WDR54: variants seen among roughly 807,000 people sequenced by gnomAD.
WDR54 encodes the protein WD repeat-containing protein 54.
In WDR54, 44 loss-of-function variants were observed where a neutral mutation model predicts 44.1. That is an observed-to-expected ratio of 1.00 (90% CI 0.78 to 1.28). WDR54 has a LOEUF of 1.28. Among genes scored for constraint, WDR54 ranks in the 50% most tolerant of loss-of-function variants. The pLI is 0.00. For synonymous variants in WDR54, 169 were observed against 169.8 expected (o/e 1.00, Z 0.04); for missense variants, 409 against 429.7 (o/e 0.95, Z 0.43).
chr2:74,423,721 A>G, intron 5 of WDR54, 134 bp from the exon 6 acceptor site: 16 of 1,460,914 alleles, frequency 1.1e-5, no homozygotes, highest in Non-Finnish European at 1.5e-5. Flanking sequence ...TAGTGAATGA[A>G]GGGGCATGGC....
At chr2:74,424,023 C>A (rs1670244881) in intron 6 of WDR54, 41 bp downstream of exon 6, 2 of 1,611,478 alleles carry the variant, frequency 1.2e-6, no homozygotes, top group Admixed American at 1.7e-5. Context: ...CCTTCCCCAC[C>A]CTGGGAGGCA....
chr2:74,423,591 G>A (rs1670221511), intron 5 of WDR54, 60 bp downstream of exon 5: 6 of 1,592,532 alleles, frequency 3.8e-6, no homozygotes, highest in Non-Finnish European at 5.2e-6. Flanking sequence ...GTGGCCAGGA[G>A]AATAATGAGG....
chr2:74,425,518 G>T lies in WDR54; in HGVS notation c.873+27G>T, dbSNP rs548125349. 10 of 1,614,172 alleles carry T rather than the reference G, an allele frequency of 6.2e-6. No homozygotes were observed. In the South Asian group the frequency reaches 7.7e-5, roughly 12 times the overall value. On this transcript the variant is annotated intron_variant, in intron 9 of 9. Transcript: ENST00000348227. ...TATGTGTCATGGGGTGGGTGGAATG[G>T]GGGGGCCCAAGCATGGGGCAGCAGG... is the stretch of plus-strand genomic sequence containing the variant.
intron 5 of WDR54, 123 bp from the exon 6 acceptor site, chr2:74,423,732 C>T (rs999712526): frequency 1.4e-5 from 21 of 1,487,470 alleles, no homozygotes; most frequent in African/African-American, 8.3e-5. Context: ...GGGGCATGGC[C>T]GTTGGAGCAG....
rs147105807 is a variant in WDR54 at position 74,423,859 on chromosome 2, G to A, written c.411G>A (p.Thr137=). Residue 137 remains threonine (T), a synonymous_variant, in exon 6 of 10, where the codon ACG becomes ACA. Coordinates refer to ENST00000348227, the MANE Select transcript of WDR54 (RefSeq NM_032118.4). Reference sequence around the variant, plus strand: ...GAGTACTGGTTCTGGATACAGGAACGTGGTCAGGCCGGGTGCTGGTGTTTG... The same window carrying A: ...GAGTACTGGTTCTGGATACAGGAACATGGTCAGGCCGGGTGCTGGTGTTTG... ...AASGHFICVG[T]WSGRVLVFDI... is the part of the protein sequence containing the mutation. 46 of 1,614,080 alleles carry A rather than the reference G, an allele frequency of 2.8e-5. No individual in the cohort carries two copies. In the African/African-American group the frequency reaches 3.1e-4, roughly 11 times the overall value.
rs747747324 is a variant in WDR54, at chr2:74,423,495, C to T, written c.370C>T (p.Arg124Trp). The change falls in exon 5 of 10, where the codon CGG (arginine) becomes TGG (tryptophan). Residue 124 changes from arginine (R) to tryptophan (W), a missense_variant. By Grantham distance (101) the Arg-to-Trp change is moderately radical (BLOSUM62 -3). Transcript: ENST00000348227. ...DASPVQAVFA[R>W]GIAASGHFIC... ...ATATTCAGTACAGGCTGTGTTTGCCCGGGGAATTGCTGCCAGTGGCCACTT... is the reference window on the plus strand; with the variant it reads ...ATATTCAGTACAGGCTGTGTTTGCCTGGGGAATTGCTGCCAGTGGCCACTT... 1.8e-5 allele frequency: 29 copies of T among 1,613,754 alleles called. No individual in the cohort carries two copies. The highest frequency in any genetic ancestry group is 6.7e-5 in the African/African-American group (5 of 74,876).
Position 74,423,495 on chromosome 2 carries a change from C to G in WDR54, c.370C>G (p.Arg124Gly), listed in dbSNP as rs747747324. The G allele has an allele frequency of 5.6e-6, 9 of 1,613,872 alleles. No individual in the cohort carries two copies. The highest frequency in any genetic ancestry group is 4.2e-6 in the Non-Finnish European group (5 of 1,179,868). Residue 124 changes from arginine to glycine, a missense_variant, in exon 5 of 10, where the codon CGG becomes GGG. Transcript: ENST00000348227. ...DASPVQAVFA[R>G]GIAASGHFIC... The stretch of plus-strand genomic sequence containing the variant: ...ATATTCAGTACAGGCTGTGTTTGCC[C>G]GGGGAATTGCTGCCAGTGGCCACTT...
intron 1 of WDR54, 137 bp downstream of exon 1, chr2:74,421,953 G>T: frequency 3.2e-6 from 2 of 621,872 alleles, no homozygotes; most frequent in South Asian, 1.9e-5. Context: ...CCTCCTCTGC[G>T]ATTCCCCCGT....
chr2:74,422,597 C>T, intron 2 of WDR54: 2 of 628,990 alleles, frequency 3.2e-6, no homozygotes, highest in East Asian at 2.8e-5. Context: ...CGAGACCAGC[C>T]TGGCCAACAT....
chr2:74,423,685 A>G, intron 5 of WDR54, 154 bp downstream of exon 5: 1 of 1,420,246 alleles, frequency 7.0e-7, no homozygotes, highest in Non-Finnish European at 9.7e-7. Context: ...AAGGGTTCAG[A>G]GGGTCAGGGT....
At position 74,422,365 on chromosome 2, in the gene WDR54, T is replaced by TG. The variant is rs1450547603; in HGVS notation, c.212_213insG (p.Ile72TyrfsTer75). ...GAGGGTGCTGGAGTGAGTCCCCCACTTATCACTCAGGTGAGGCATGGAGCT... is the reference window on the plus strand; with the variant it reads ...GAGGGTGCTGGAGTGAGTCCCCCACTGTATCACTCAGGTGAGGCATGGAGCT... On this transcript the variant is annotated frameshift_variant, in exon 2 of 10. Transcript: ENST00000348227. LOFTEE classifies it high-confidence loss of function. 1.4e-5 allele frequency: 22 copies of TG among 1,612,282 alleles called. No homozygotes were observed. Among genetic ancestry groups the TG allele is most frequent in the Non-Finnish European group, 1.9e-5 (22 of 1,178,638 alleles).
chr2:74,422,890 C>A lies in WDR54; in HGVS notation c.243C>A (p.Pro81=), dbSNP rs1670184421. ...TCCAGGTCCACTGGTGTGTCCTCCC[C>A]TTCCGAGTGCTGCTGGTACTCACCT... ...LITQVHWCVL[P]FRVLLVLTSH... is the part of the protein sequence containing the mutation. The change falls in exon 3 of 10, where the codon CCC becomes CCA. Residue 81 remains proline, a synonymous_variant. Transcript: ENST00000348227. The A allele has an allele frequency of 1.2e-6, 2 of 1,614,014 alleles. No individual in the cohort carries two copies.
At position 74,424,968 on chromosome 2, in the gene WDR54, G is replaced by C; in HGVS notation, c.628G>C (p.Gly210Arg). 6.2e-7 allele frequency: 1 copy of C among 1,614,230 alleles called. No individual in the cohort carries two copies. Among genetic ancestry groups the C allele is most frequent in the Non-Finnish European group, 8.5e-7 (1 of 1,180,034 alleles). Residue 210 changes from glycine to arginine, a missense_variant, in exon 7 of 10, where the codon GGA (glycine) becomes CGA (arginine). Transcript: ENST00000348227. ...PEFTLLTRIPGFGVPCPSVQL... is the reference protein window; with the variant it reads ...PEFTLLTRIPRFGVPCPSVQL... ...ATTCACATTATTGACCCGCATTCCAGGATTTGGGTAGGTGAGGCAGAAAGG... is the reference window on the plus strand; with the variant it reads ...ATTCACATTATTGACCCGCATTCCACGATTTGGGTAGGTGAGGCAGAAAGG...
At position 74,422,191 on chromosome 2, in the gene WDR54, C is replaced by A; in HGVS notation, c.38C>A (p.Ser13Ter). Residue 13 changes from serine (S) to a stop codon, truncating the protein, a stop_gained, in exon 2 of 10, where the codon TCG becomes TAG. Coordinates refer to ENST00000348227, the MANE Select transcript of WDR54 (RefSeq NM_032118.4). LOFTEE classifies it high-confidence loss of function. ...RWERSIPLRG[S>*]AAALCNNLSV... ...GAGCGCTCCATTCCCCTGCGAGGCTCGGCCGCCGCCCTGTGCAACAACCTC... is the reference window on the plus strand; with the variant it reads ...GAGCGCTCCATTCCCCTGCGAGGCTAGGCCGCCGCCCTGTGCAACAACCTC... 6.2e-7 allele frequency: 1 copy of A among 1,613,726 alleles called. No individual in the cohort carries two copies. The highest frequency in any genetic ancestry group is 8.5e-7 in the Non-Finnish European group (1 of 1,180,032).
At position 74,423,357 on chromosome 2, in the gene WDR54, T is replaced by C; in HGVS notation, c.324T>C (p.His108=). Residue 108 remains histidine (H), a synonymous_variant, in exon 4 of 10, where the codon CAT becomes CAC. Coordinates refer to ENST00000348227, the MANE Select transcript of WDR54 (RefSeq NM_032118.4). ...ESNGYTMVYW[H]ALDSGDASPV... ...ATGGCTACACCATGGTCTACTGGCA[T>C]GCACTGGACTCTGGAGATGCCTCCC... 1 of 1,614,116 alleles carries C rather than the reference T, an allele frequency of 6.2e-7. No homozygotes were observed. The highest frequency in any genetic ancestry group is 8.5e-7 in the Non-Finnish European group (1 of 1,180,042).
Position 74,421,740 on chromosome 2 carries a change from G to C in WDR54, c.-78G>C. 1 of 601,048 alleles carries C rather than the reference G, an allele frequency of 1.7e-6. No individual in the cohort carries two copies. The highest frequency in any genetic ancestry group is 2.0e-5 in the South Asian group (1 of 49,492). 37.2% of individuals were successfully genotyped at this position (601,048 alleles called of 1,614,324 possible). A position where few individuals can be genotyped will look rare whatever the true frequency, so the allele number is the denominator to read the frequency against. ...CCCCGCCCAAGGGCCGTGCGTACGT[G>C]CGTCGTCTCTATGGTGGCGGCGGAT... On this transcript the variant is annotated 5_prime_UTR_variant, in exon 1 of 10. Coordinates refer to ENST00000348227, the MANE Select transcript of WDR54 (RefSeq NM_032118.4).
At chr2:74,424,697 C>T (rs1196208670) in intron 6 of WDR54, among the ~76,000 whole-genome samples, 178 bp from the exon 7 acceptor site, 2 of 152,206 alleles carry the variant, frequency 1.3e-5, no homozygotes, top group Non-Finnish European at 2.9e-5. Flanking sequence ...GTTCATGCTT[C>T]CCAAGGGAAC....
In WDR54 at chr2:74,422,362, C is replaced by G; in HGVS notation, c.209C>G (p.Pro70Arg). 1 of 1,612,776 alleles carries G rather than the reference C, an allele frequency of 6.2e-7. No homozygotes were observed. Among genetic ancestry groups the G allele is most frequent in the Non-Finnish European group, 8.5e-7 (1 of 1,179,006 alleles). Reference sequence around the variant, plus strand: ...AAGGAGGGTGCTGGAGTGAGTCCCCCACTTATCACTCAGGTGAGGCATGGA... The same window carrying G: ...AAGGAGGGTGCTGGAGTGAGTCCCCGACTTATCACTCAGGTGAGGCATGGA... ...HAKEGAGVSPPLITQVHWCVL... is the reference protein window; with the variant it reads ...HAKEGAGVSPRLITQVHWCVL... Residue 70 changes from proline (P) to arginine (R), a missense_variant, in exon 2 of 10, where the codon CCA (proline) becomes CGA (arginine). Transcript: ENST00000348227.
chr2:74,422,813 A>T, intron 2 of WDR54, 57 bp from the exon 3 acceptor site: 1 of 1,504,696 alleles, frequency 6.6e-7, no homozygotes, highest in South Asian at 1.2e-5. Context: ...AAAAAAAACA[A>T]ACAAACTCAT....
Sources: gnomAD v4.1 joint callset for allele counts (sites outside exome capture counted in the v4.1 genomes callset) on GRCh38, gnomAD v4.1.1 for gene constraint, MANE v1.5 for transcripts, NCBI Gene and HGNC (gene_info 2026-07-23, HGNC 2026-07-21) for gene names.